LINGO2: variants seen among roughly 807,000 people sequenced by gnomAD.
LINGO2 encodes the protein leucine rich repeat and Ig domain containing 2, also known as leucine-rich repeat and immunoglobulin-like domain-containing nogo receptor-interacting protein 2.
In LINGO2, 14 loss-of-function variants were observed where a neutral mutation model predicts 30.6. The ratio of observed to expected loss-of-function variants is 0.46; its 90% confidence interval spans 0.30 to 0.72. The LOEUF (loss-of-function observed/expected upper bound fraction) is 0.72, where lower values mean the gene tolerates loss of function less well. Ranked by LOEUF, LINGO2 falls within the 30% of genes least tolerant of loss-of-function variation. The probability of loss-of-function intolerance (pLI) is 0.07; values close to 1 mark genes in which losing one functional copy is unlikely to be tolerated. For synonymous variants in LINGO2, 317 were observed against 288.5 expected, an observed-to-expected ratio of 1.10 and a Z score of -1.00; for missense variants, 729 against 751.7, an observed-to-expected ratio of 0.97 and a Z score of 0.35.
chr9:28,977,885 T>C, the LINGO2 span, among the ~76,000 whole-genome samples: 3 of 152,292 alleles, frequency 2.0e-5, no homozygotes, highest in South Asian at 6.2e-4. Context: ...ATGATGTGGC[T>C]GTCTTGAAAC....
the LINGO2 span, among the ~76,000 whole-genome samples, chr9:28,846,715 A>G: frequency 1.4e-5 from 2 of 146,796 alleles, no homozygotes; most frequent in African/African-American, 5.2e-5. Context: ...TCTGGGCCCA[A>G]TCTTCTTCCC....
chr9:29,112,254 C>G, the LINGO2 span, among the ~76,000 whole-genome samples: 2 of 152,182 alleles, frequency 1.3e-5, no homozygotes, highest in Middle Eastern at 3.4e-3. Context: ...AAGGGTTCAT[C>G]AAAGTGTGAC....
chr9:29,182,106 G>A, the LINGO2 span, among the ~76,000 whole-genome samples: 1 of 151,978 alleles, frequency 6.6e-6, no homozygotes, highest in Admixed American at 6.6e-5. Context: ...GAATTTTGAG[G>A]TGAGTATCAT....
chr9:29,146,463 T>G, the LINGO2 span, among the ~76,000 whole-genome samples: 3 of 152,160 alleles, frequency 2.0e-5, no homozygotes, highest in African/African-American at 7.2e-5. Context: ...CCACAATTAC[T>G]TTTGCACCAA....
At chr9:28,512,410 C>T (rs933763505) in intron 1 of LINGO2, among the ~76,000 whole-genome samples, 18 of 151,554 alleles carry the variant, frequency 1.2e-4, no homozygotes, top group African/African-American at 4.4e-4. Context: ...AACAGCATCC[C>T]TATCTGCCAC....
rs1024073071 is a variant in LINGO2, at chr9:28,646,395, G to A, written c.-365+23805C>T. Among the ~76,000 whole-genome samples the A allele has an allele frequency of 3.3e-5, 5 of 152,110 alleles. No homozygotes were observed. The South Asian group carries it at 6.2e-4, about 19-fold the overall frequency. Reference sequence around the variant, plus strand: ...AAGCTCCTTTCATAGGAGCAAGCACGGTCAGTGAGTCTGGAACCTCAAATA... The same window carrying A: ...AAGCTCCTTTCATAGGAGCAAGCACAGTCAGTGAGTCTGGAACCTCAAATA... On this transcript the variant is annotated intron_variant, in intron 1 of 5. Coordinates refer to ENST00000379992, the Ensembl canonical transcript of LINGO2.
rs1476095842 is a variant in LINGO2, at chr9:28,129,219, C to A, written c.-86-116814G>T. Among the ~76,000 whole-genome samples the A allele has an allele frequency of 6.6e-6, 1 of 152,146 alleles. No homozygotes were observed. Among genetic ancestry groups the A allele is most frequent in the African/African-American group, 2.4e-5 (1 of 41,426 alleles). ...GCTCCTCAGCTTGCAGGCAGCCTAT[C>A]GTGGGACTTCACCTGGTAATCGTGG... On this transcript the variant is annotated intron_variant, in intron 4 of 5. Coordinates refer to ENST00000379992, the Ensembl canonical transcript of LINGO2. This position sits in a 1 kb window ranked among gnomAD's most constrained non-coding sequence, Gnocchi z 4.0.
the LINGO2 span, among the ~76,000 whole-genome samples, chr9:29,017,728 G>A: frequency 6.6e-6 from 1 of 152,012 alleles, no homozygotes; most frequent in African/African-American, 2.4e-5. Flanking sequence ...CCAACAAGAG[G>A]AAAGGGTAAG....
At chr9:28,241,450 C>T (rs1195778063) in intron 4 of LINGO2, among the ~76,000 whole-genome samples, 1 of 151,970 alleles carries the variant, frequency 6.6e-6, no homozygotes, top group Non-Finnish European at 1.5e-5. Flanking sequence ...ACTGACTAGG[C>T]GGCAGGTATG....
At chr9:28,047,289 G>A (rs1824467833) in intron 4 of LINGO2, among the ~76,000 whole-genome samples, 1 of 152,112 alleles carries the variant, frequency 6.6e-6, no homozygotes, top group South Asian at 2.1e-4. Context: ...CTCCTTTTAT[G>A]GAGGATGATT....
the LINGO2 span, among the ~76,000 whole-genome samples, chr9:29,161,907 A>G: frequency 0.21 from 32,301 of 151,380 alleles, 3,761 homozygotes; most frequent in East Asian, 0.37. Flanking sequence ...AAAATATTCT[A>G]TTATTCTTCA....
intron 1 of LINGO2, among the ~76,000 whole-genome samples, chr9:28,568,019 C>T (rs1385097618): frequency 1.3e-5 from 2 of 151,942 alleles, no homozygotes; most frequent in African/African-American, 2.4e-5. Flanking sequence ...TTCCTATAGA[C>T]CAGCCAGTGA....
chr9:28,983,318 CAAAAAA>C, the LINGO2 span, among the ~76,000 whole-genome samples: 1 of 130,980 alleles, frequency 7.6e-6, no homozygotes, highest in African/African-American at 2.8e-5. Context: ...ATGAGGTATC[CAAAAAA>C]AAAAAAAAAA....
At chr9:28,280,819 C>T (rs549648673) in intron 4 of LINGO2, among the ~76,000 whole-genome samples, 1 of 152,246 alleles carries the variant, frequency 6.6e-6, no homozygotes, top group East Asian at 1.9e-4. Context: ...TGTACCAATC[C>T]AGTGCCTAGT....
At chr9:28,934,763 G>A in the LINGO2 span, among the ~76,000 whole-genome samples, 1 of 152,116 alleles carries the variant, frequency 6.6e-6, no homozygotes, top group Non-Finnish European at 1.5e-5. Flanking sequence ...TAAGTTTATA[G>A]CATGATATTT....
intron 1 of LINGO2, among the ~76,000 whole-genome samples, chr9:28,507,776 G>A (rs917676809): frequency 3.3e-5 from 5 of 152,092 alleles, no homozygotes; most frequent in Non-Finnish European, 7.4e-5. Context: ...TACATAATAT[G>A]AGGCTGGATT....
chr9:28,437,389 G>A (rs1235207262), intron 2 of LINGO2, among the ~76,000 whole-genome samples: 1 of 152,066 alleles, frequency 6.6e-6, no homozygotes, highest in South Asian at 2.1e-4. Flanking sequence ...GGCTTCCCTG[G>A]TCCTGAGGCT....
At chr9:28,372,731 A>T (rs1820952383) in intron 3 of LINGO2, 105 bp downstream of exon 5, 1 of 152,598 alleles carries the variant, frequency 6.6e-6, no homozygotes, top group South Asian at 2.1e-4. Flanking sequence ...TAACTAGCTT[A>T]ATTATTCCAC....
intron 5 of LINGO2, among the ~76,000 whole-genome samples, chr9:27,987,099 A>T (rs1821160799): frequency 6.6e-6 from 1 of 151,812 alleles, no homozygotes; most frequent in South Asian, 2.1e-4. Context: ...TCAACTACTC[A>T]ATAAATGAAG....
Sources: allele counts gnomAD v4.1 joint callset (sites outside exome capture counted in the v4.1 genomes callset), GRCh38; gene constraint gnomAD v4.1.1; non-coding constraint Gnocchi (gnomAD v3.1); transcripts MANE v1.5; gene names NCBI Gene and HGNC (gene_info 2026-07-23, HGNC 2026-07-21).